CDH13: variants seen among roughly 807,000 people sequenced by gnomAD.
The protein encoded by CDH13 is cadherin-13.
In CDH13, 24 loss-of-function variants were observed where a neutral mutation model predicts 63.8. That is an observed-to-expected ratio of 0.38 (90% CI 0.27 to 0.53). The LOEUF is 0.53. Among genes scored for constraint, CDH13 ranks in the 20% least tolerant of loss-of-function variants. The pLI is 0.85. For synonymous variants in CDH13, 503 were observed against 355.3 expected (o/e 1.42, Z -4.67); for missense variants, 1,049 against 903.1 (o/e 1.16, Z -2.07).
chr16:83,137,552 C>T (rs1237756942), intron 4 of CDH13, among the ~76,000 whole-genome samples: 1 of 152,228 alleles, frequency 6.6e-6, no homozygotes, highest in Non-Finnish European at 1.5e-5. Context: ...CACTGCCTCG[C>T]TTCAGACAAC....
intron 1 of CDH13, among the ~76,000 whole-genome samples, chr16:82,849,864 A>C (rs761174874): frequency 1.3e-5 from 2 of 152,244 alleles, no homozygotes; most frequent in South Asian, 2.1e-4. Flanking sequence ...ATGACAGTAC[A>C]TCTGTTTACA....
At chr16:82,988,054 C>G (rs576406082) in intron 2 of CDH13, among the ~76,000 whole-genome samples, 26 of 152,192 alleles carry the variant, frequency 1.7e-4, no homozygotes, top group South Asian at 2.1e-4. Flanking sequence ...AATTGAAGCA[C>G]GGCTATGTTT....
chr16:83,561,258 C>A lies in CDH13; in HGVS notation c.961-41196C>A, dbSNP rs188667204. 5.3e-3 allele frequency among the ~76,000 whole-genome samples: 797 copies of A among 151,450 alleles called. 11 individuals are homozygous for A. The highest frequency in any genetic ancestry group is 0.018 in the African/African-American group (761 of 41,186). ...GGTTGGGAGTTTGAGACCAGCCTGA[C>A]CAACATGGAGAAATCCCATCTCTAC... On this transcript the variant is annotated intron_variant, in intron 7 of 13. Coordinates refer to ENST00000567109, the MANE Select transcript of CDH13 (RefSeq NM_001257.5).
At chr16:83,045,689 A>G (rs1338447963) in intron 3 of CDH13, among the ~76,000 whole-genome samples, 1 of 151,744 alleles carries the variant, frequency 6.6e-6, no homozygotes, top group Non-Finnish European at 1.5e-5. Flanking sequence ...AGGGAAAAAA[A>G]CATCTCCAAT....
intron 4 of CDH13, among the ~76,000 whole-genome samples, chr16:83,143,072 C>G (rs1353567321): frequency 6.6e-6 from 1 of 152,174 alleles, no homozygotes; most frequent in Non-Finnish European, 1.5e-5. Flanking sequence ...CCGTTGCGCT[C>G]CAGCCTGGGC....
At chr16:82,819,520 C>A (rs755060350) in intron 1 of CDH13, among the ~76,000 whole-genome samples, 55 of 152,246 alleles carry the variant, frequency 3.6e-4, no homozygotes, top group Non-Finnish European at 5.9e-4. Flanking sequence ...GGGAAGGAGA[C>A]TTCCCTAACT....
chr16:83,100,431 A>G (rs907181279), intron 3 of CDH13, among the ~76,000 whole-genome samples: 1 of 152,112 alleles, frequency 6.6e-6, no homozygotes, highest in Non-Finnish European at 1.5e-5. Context: ...ATGCTCAGAG[A>G]AGGGTGGTGA....
chr16:83,171,090 C>T (rs913104705), intron 4 of CDH13, among the ~76,000 whole-genome samples: 11 of 152,100 alleles, frequency 7.2e-5, no homozygotes, highest in Non-Finnish European at 1.0e-4. Flanking sequence ...AGGTTTAATT[C>T]GCTCGTGGTT....
intron 4 of CDH13, among the ~76,000 whole-genome samples, chr16:83,142,306 G>C (rs1035270684): frequency 6.6e-6 from 1 of 151,974 alleles, no homozygotes; most frequent in Non-Finnish European, 1.5e-5. Context: ...AACTACAGGT[G>C]TGTGCCCCCA....
At chr16:83,447,242 C>T (rs1441556986) in intron 6 of CDH13, among the ~76,000 whole-genome samples, 8 of 150,900 alleles carry the variant, frequency 5.3e-5, no homozygotes, top group Admixed American at 5.3e-4. Context: ...TGGTGAAACC[C>T]CATCTCTACT....
chr16:82,842,200 A>G (rs1319726935), intron 1 of CDH13, among the ~76,000 whole-genome samples: 1 of 144,300 alleles, frequency 6.9e-6, no homozygotes, highest in East Asian at 2.0e-4. Flanking sequence ...ATATGTATAC[A>G]CACACATTCC....
At chr16:83,483,270 G>A (rs374397460) in intron 6 of CDH13, among the ~76,000 whole-genome samples, 1 of 152,042 alleles carries the variant, frequency 6.6e-6, no homozygotes, top group Non-Finnish European at 1.5e-5. Context: ...TTCGTGTCTG[G>A]GTGAAGACAA....
At chr16:83,065,023 C>A (rs2031884345) in intron 3 of CDH13, among the ~76,000 whole-genome samples, 1 of 152,172 alleles carries the variant, frequency 6.6e-6, no homozygotes, top group African/African-American at 2.4e-5. Context: ...CCTGCACCCC[C>A]AGCCCCAGGT....
At chr16:83,099,639 T>TTTTTTTTTTTTTTTTTTTTTTGAGACGG (rs1449900581) in intron 3 of CDH13, among the ~76,000 whole-genome samples, 1 of 150,820 alleles carries the variant, frequency 6.6e-6, no homozygotes, top group East Asian at 2.0e-4. Context: ...ATATTACTTC[T>TTTTTTTTTTTTTTTTTTTTTTGAGACGG]AATCCTTAAC....
At chr16:83,541,066 C>T (rs747008515) in intron 7 of CDH13, among the ~76,000 whole-genome samples, 4 of 152,102 alleles carry the variant, frequency 2.6e-5, no homozygotes, top group African/African-American at 9.7e-5. Context: ...CATGTTCACT[C>T]CCGCTCAATC....
At position 83,586,223 on chromosome 16, in the gene CDH13, C is replaced by T. The variant is rs546048042; in HGVS notation, c.961-16231C>T. On this transcript the variant is annotated intron_variant, in intron 7 of 13. Coordinates refer to ENST00000567109, the MANE Select transcript of CDH13 (RefSeq NM_001257.5). ...GCCTGGGGCTAGAACCACAAGGGAG[C>T]GTGATGCACACAGGTGTGCTTGCAC... Among the ~76,000 whole-genome samples the T allele has an allele frequency of 2.6e-5, 4 of 152,284 alleles. No homozygotes were observed. The East Asian group carries it at 7.7e-4, about 29-fold the overall frequency.
At chr16:82,852,473 A>G (rs1321295020) in intron 1 of CDH13, among the ~76,000 whole-genome samples, 1 of 152,152 alleles carries the variant, frequency 6.6e-6, no homozygotes, top group Non-Finnish European at 1.5e-5. Flanking sequence ...GGAGAAGAGA[A>G]GATATCATGC....
chr16:82,904,777 G>A (rs529403087), intron 2 of CDH13, among the ~76,000 whole-genome samples: 2 of 152,166 alleles, frequency 1.3e-5, no homozygotes, highest in Non-Finnish European at 2.9e-5. Context: ...TCTGCTTCTG[G>A]CCAGCTGGGT....
intron 6 of CDH13, among the ~76,000 whole-genome samples, chr16:83,468,148 C>A (rs1398538551): frequency 6.6e-6 from 1 of 152,122 alleles, no homozygotes; most frequent in Non-Finnish European, 1.5e-5. Context: ...TCCATGTGAT[C>A]TGATTTGGAA....
Sources: allele counts gnomAD v4.1 joint callset (sites outside exome capture counted in the v4.1 genomes callset), GRCh38; gene constraint gnomAD v4.1.1; transcripts MANE v1.5; gene names NCBI Gene and HGNC (gene_info 2026-07-23, HGNC 2026-07-21).